Variants in REV1 observed in about 807,000 individuals in gnomAD.
The protein encoded by REV1 is translesion synthesis protein REV1.
In REV1, 42 loss-of-function variants were observed where a neutral mutation model predicts 137.4. That is an observed-to-expected ratio of 0.31 (90% CI 0.24 to 0.40). The LOEUF is 0.40. Among genes scored for constraint, REV1 ranks in the 10% least tolerant of loss-of-function variants. The pLI, the probability that REV1 is intolerant of heterozygous loss-of-function variation, is 1.00. For synonymous variants in REV1, 524 were observed against 519.2 expected, an observed-to-expected ratio of 1.01 and a Z score of -0.12; for missense variants, 1,282 against 1,490.1, an observed-to-expected ratio of 0.86 and a Z score of 2.30.
At chr2:99,445,221 T>C (rs1363207509) in intron 4 of REV1, among the ~76,000 whole-genome samples, 1 of 152,028 alleles carries the variant, frequency 6.6e-6, no homozygotes, top group African/African-American at 2.4e-5. Context: ...ATAAGCACTC[T>C]AATATTTAAA....
At chr2:99,464,731 A>G (rs1212938928) in intron 2 of REV1, among the ~76,000 whole-genome samples, 191 bp downstream of exon 2, 3 of 152,186 alleles carry the variant, frequency 2.0e-5, no homozygotes, top group Admixed American at 2.0e-4. Context: ...CTCAGGGTAA[A>G]ATTCCTGAGA....
chr2:99,463,115 A>G (rs1684415888), intron 2 of REV1, among the ~76,000 whole-genome samples: 1 of 152,062 alleles, frequency 6.6e-6, no homozygotes, highest in African/African-American at 2.4e-5. Context: ...AATAAATATA[A>G]ATACATAAAA....
chr2:99,442,616 T>A, intron 4 of REV1, 147 bp from the exon 5 acceptor site: 1 of 722,930 alleles, frequency 1.4e-6, no homozygotes, highest in Non-Finnish European at 2.3e-6. Flanking sequence ...TCGGTTTTAG[T>A]GGTCCTAATA....
At chr2:99,437,731 T>C (rs986626474) in intron 6 of REV1, among the ~76,000 whole-genome samples, 1 of 152,064 alleles carries the variant, frequency 6.6e-6, no homozygotes, top group Non-Finnish European at 1.5e-5. Context: ...TAAATAACCT[T>C]CAGGTAACAA....
At position 99,438,933 on chromosome 2, in the gene REV1, C is replaced by A. The variant is rs1229034197; in HGVS notation, c.881G>T (p.Arg294Ile). Residue 294 changes from arginine to isoleucine, a missense_variant, in exon 6 of 23, where the codon AGA becomes ATA. By Grantham distance (97) the Arg-to-Ile change is moderately conservative. Around this residue, in one of 7 missense-constraint regions of REV1, gnomAD observed 432 missense variants for 438.0 expected, o/e 0.99. Transcript: ENST00000258428. The part of the protein sequence containing the change: ...RNTDALRNPH[R>I]TNSFSLSPLH... ...AGGTGATAATGAGAAAGAATTAGTT[C>A]TGTGTGGATTCCGCAAAGCATCTGT... is the stretch of plus-strand genomic sequence containing the variant. The A allele has an allele frequency of 3.1e-6, 5 of 1,614,070 alleles. No individual in the cohort carries two copies. Among genetic ancestry groups the A allele is most frequent in the African/African-American group, 1.3e-5 (1 of 74,938 alleles).
At chr2:99,463,533 T>C (rs1684476274) in intron 2 of REV1, among the ~76,000 whole-genome samples, 2 of 152,218 alleles carry the variant, frequency 1.3e-5, no homozygotes, top group Non-Finnish European at 2.9e-5. Flanking sequence ...AACATAGTAA[T>C]AATATCACAA....
At chr2:99,447,747 A>C (rs553675726) in intron 4 of REV1, among the ~76,000 whole-genome samples, 6 of 149,010 alleles carry the variant, frequency 4.0e-5, no homozygotes, top group Non-Finnish European at 8.9e-5. Flanking sequence ...CCTGAGACGG[A>C]GTCTTTCTCT....
At chr2:99,484,250 G>A (rs898587855) in intron 1 of REV1, among the ~76,000 whole-genome samples, 3 of 152,084 alleles carry the variant, frequency 2.0e-5, no homozygotes, top group East Asian at 1.9e-4. Context: ...GGAGGGAAAC[G>A]AGCAGAAAAA....
At position 99,403,014 on chromosome 2, in the gene REV1, G is replaced by C. The variant is rs1326069443; in HGVS notation, c.3259C>G (p.Gln1087Glu). 6.2e-7 allele frequency: 1 copy of C among 1,614,142 alleles called. No individual in the cohort carries two copies. Among genetic ancestry groups the C allele is most frequent in the East Asian group, 2.2e-5 (1 of 44,890 alleles). Residue 1087 changes from glutamine to glutamate, a missense_variant, in exon 20 of 23, where the codon CAG becomes GAG. Gln to Glu is a conservative substitution (Grantham distance 29). Coordinates refer to ENST00000258428, the MANE Select transcript of REV1 (RefSeq NM_016316.4). ...AGCAGCTTGTTATTCAAAGGACTCT[G>C]AATCCTTTTTGGTGAACCAATGGTT... The part of the protein sequence containing the change: ...KKTIGSPKRI[Q>E]SPLNNKLLNS...
Position 99,465,777 on chromosome 2 carries a change from TA to T in REV1, c.-10-793del, listed in dbSNP as rs767606086. On this transcript the variant is annotated intron_variant, in intron 1 of 22. Transcript: ENST00000258428. ...TTCTATTAAGATAATTTTCTTCTAG[TA>T]ACTATATACATGTGTATCAAATGGT... Among the ~76,000 whole-genome samples, 210 of 152,234 alleles carry T rather than the reference TA, an allele frequency of 1.4e-3. 2 individuals carry two copies. The highest frequency in any genetic ancestry group is 6.5e-4 in the Non-Finnish European group (44 of 68,050).
chr2:99,436,980 C>CT lies in REV1; in HGVS notation c.1214-1040dup, dbSNP rs898496297. 5.2e-3 allele frequency among the ~76,000 whole-genome samples: 752 copies of CT among 145,638 alleles called. 9 individuals are homozygous for CT. The highest frequency in any genetic ancestry group is 0.05 in the East Asian group (242 of 4,802). ...TAGCATGTACCTAATTCTCCCCCAA[C>CT]TTTTTTTTTGTTTTTTTTTTTTTTT... On this transcript the variant is annotated intron_variant, in intron 6 of 22. Transcript: ENST00000258428.
At chr2:99,448,907 T>A (rs2122748) in intron 4 of REV1, among the ~76,000 whole-genome samples, 65,618 of 152,176 alleles carry the variant, frequency 0.43, 14,400 homozygotes, top group Admixed American at 0.58. Flanking sequence ...TATAGTATTA[T>A]CAACATGAGC....
At chr2:99,470,758 T>C (rs1685325084) in intron 1 of REV1, among the ~76,000 whole-genome samples, 2 of 152,204 alleles carry the variant, frequency 1.3e-5, no homozygotes, top group South Asian at 4.1e-4. Flanking sequence ...TTCCAGCCAA[T>C]GGAAACCGGG....
At chr2:99,443,848 C>CT (rs368655067) in intron 4 of REV1, among the ~76,000 whole-genome samples, 24,265 of 147,486 alleles carry the variant, frequency 0.16, 2,357 homozygotes, top group African/African-American at 0.27. Flanking sequence ...ACTTTTCTTC[C>CT]TTTTTTTTTT....
At chr2:99,439,701 A>T (rs1338213265) in intron 5 of REV1, among the ~76,000 whole-genome samples, 2 of 152,218 alleles carry the variant, frequency 1.3e-5, no homozygotes, top group Non-Finnish European at 2.9e-5. Flanking sequence ...AATTAATTGG[A>T]ATCTATAAGC....
chr2:99,404,755 T>A, intron 17 of REV1, 78 bp from the exon 18 acceptor site: 1 of 941,996 alleles, frequency 1.1e-6, no homozygotes, highest in Non-Finnish European at 1.7e-6. Context: ...CACGCCACTT[T>A]AAATTTCAAT....
intron 21 of REV1, 95 bp downstream of exon 21, chr2:99,402,549 A>G (rs1675618159): frequency 1.6e-6 from 2 of 1,241,210 alleles, no homozygotes; most frequent in African/African-American, 1.5e-5. Flanking sequence ...AGTTAGAGAA[A>G]TGGGTTAAAT....
At chr2:99,427,072 C>T (rs537179061) in intron 9 of REV1, among the ~76,000 whole-genome samples, 58 of 152,162 alleles carry the variant, frequency 3.8e-4, no homozygotes, top group Middle Eastern at 3.4e-3. Flanking sequence ...ATCCCAGCTA[C>T]TCGGGAGGCT....
chr2:99,483,602 T>C (rs899866174), intron 1 of REV1, among the ~76,000 whole-genome samples: 1 of 152,254 alleles, frequency 6.6e-6, no homozygotes, highest in African/African-American at 2.4e-5. Flanking sequence ...TGAGAAAGTA[T>C]CATTTTCAAC....
Sources: allele counts gnomAD v4.1 joint callset (sites outside exome capture counted in the v4.1 genomes callset), GRCh38; gene constraint gnomAD v4.1.1; regional missense constraint gnomAD v4.1.1; transcripts MANE v1.5; gene names NCBI Gene and HGNC (gene_info 2026-07-23, HGNC 2026-07-21).